The following TOP6BL variants were observed in gnomAD, a reference collection of about 807,000 sequenced individuals.
TOP6BL encodes type 2 DNA topoisomerase 6 subunit B-like.
chr11:66,779,820 C>G, the TOP6BL span, among the ~76,000 whole-genome samples: 1 of 152,082 alleles, frequency 6.6e-6, no homozygotes, highest in Admixed American at 6.6e-5. Context: ...CCATGGAATA[C>G]TATGCAGCCA....
At chr11:66,843,406 C>G in the TOP6BL span, 8 of 1,426,262 alleles carry the variant, frequency 5.6e-6, no homozygotes, top group African/African-American at 1.0e-4. Context: ...TGACGTCACC[C>G]ACACCTCCCT....
chr11:66,807,031 G>A, the TOP6BL span, among the ~76,000 whole-genome samples: 1 of 151,978 alleles, frequency 6.6e-6, no homozygotes, highest in Non-Finnish European at 1.5e-5. Context: ...GTCCTCTTGG[G>A]GAAAATTTAA....
At chr11:66,762,466 T>A in the TOP6BL span, 1 of 275,340 alleles carries the variant, frequency 3.6e-6, no homozygotes, top group Non-Finnish European at 6.8e-6. Flanking sequence ...CAGAGTACCC[T>A]TTTTTGTTTG....
At chr11:66,787,731 A>T in the TOP6BL span, among the ~76,000 whole-genome samples, 1 of 151,938 alleles carries the variant, frequency 6.6e-6, no homozygotes, top group Non-Finnish European at 1.5e-5. Context: ...AAAAAAAAAA[A>T]AAAGGTACAT....
At chr11:66,833,072 G>A in the TOP6BL span, among the ~76,000 whole-genome samples, 1 of 108,958 alleles carries the variant, frequency 9.2e-6, no homozygotes, top group African/African-American at 3.7e-5. Context: ...TTTTGACACC[G>A]AGTCTTGCTC....
the TOP6BL span, among the ~76,000 whole-genome samples, chr11:66,778,538 G>A: frequency 6.6e-6 from 1 of 152,040 alleles, no homozygotes; most frequent in African/African-American, 2.4e-5. Flanking sequence ...GTAAAGTCAG[G>A]GGACTGGCAC....
At chr11:66,814,704 G>A in the TOP6BL span, among the ~76,000 whole-genome samples, 1 of 152,232 alleles carries the variant, frequency 6.6e-6, no homozygotes, top group Non-Finnish European at 1.5e-5. Context: ...GTGAGTAAGG[G>A]AGCAATGATA....
chr11:66,777,949 A>C, the TOP6BL span, among the ~76,000 whole-genome samples: 1 of 152,318 alleles, frequency 6.6e-6, no homozygotes, highest in African/African-American at 2.4e-5. Flanking sequence ...CAGCATTGGG[A>C]ATTTCAATTA....
At chr11:66,827,225 T>C in the TOP6BL span, among the ~76,000 whole-genome samples, 2 of 148,352 alleles carry the variant, frequency 1.3e-5, no homozygotes, top group Non-Finnish European at 3.0e-5. Context: ...TAATTTTGTA[T>C]TTTCAGTAGA....
the TOP6BL span, among the ~76,000 whole-genome samples, chr11:66,794,107 G>C: frequency 1.0e-5 from 1 of 100,434 alleles, no homozygotes; most frequent in South Asian, 2.9e-4. Context: ...GCGAGACCCT[G>C]TTTCTAAAAA....
the TOP6BL span, among the ~76,000 whole-genome samples, chr11:66,767,976 G>A: frequency 9.2e-5 from 14 of 152,012 alleles, no homozygotes; most frequent in Non-Finnish European, 1.8e-4. Flanking sequence ...ATTTTTTGTA[G>A]AGATGAGATC....
At chr11:66,839,417 G>C in the TOP6BL span, among the ~76,000 whole-genome samples, 2 of 152,232 alleles carry the variant, frequency 1.3e-5, no homozygotes, top group African/African-American at 4.8e-5. Flanking sequence ...TGGAAGAGCC[G>C]AATTAGCAGG....
chr11:66,817,922 A>G, the TOP6BL span, among the ~76,000 whole-genome samples: 11 of 152,310 alleles, frequency 7.2e-5, no homozygotes, highest in South Asian at 4.1e-4. Flanking sequence ...TTTTAATCCA[A>G]TAAACCCTGG....
At chr11:66,788,712 A>G in the TOP6BL span, among the ~76,000 whole-genome samples, 24 of 152,200 alleles carry the variant, frequency 1.6e-4, no homozygotes, top group African/African-American at 5.8e-4. Context: ...ATGAAAAGAA[A>G]GAGATCTCTA....
the TOP6BL span, among the ~76,000 whole-genome samples, chr11:66,745,364 C>CTT: frequency 2.6e-5 from 4 of 151,660 alleles, no homozygotes; most frequent in Admixed American, 6.6e-5. Context: ...CCAGTGCAGA[C>CTT]TGGGAGCGAG....
chr11:66,759,031 T>A, the TOP6BL span: 1 of 1,542,930 alleles, frequency 6.5e-7, no homozygotes, highest in Non-Finnish European at 8.8e-7. Flanking sequence ...CTTTGTATTC[T>A]GTTTCTTACA....
chr11:66,773,327 T>G, the TOP6BL span, among the ~76,000 whole-genome samples: 149 of 152,078 alleles, frequency 9.8e-4, no homozygotes, highest in Non-Finnish European at 1.5e-3. Flanking sequence ...GTGCTGGGAT[T>G]ATAGGCACGT....
At chr11:66,784,226 A>G in the TOP6BL span, among the ~76,000 whole-genome samples, 6 of 151,876 alleles carry the variant, frequency 4.0e-5, no homozygotes, top group Non-Finnish European at 7.4e-5. Context: ...GTAGAGACAG[A>G]GTTTCACTGT....
the TOP6BL span, chr11:66,748,346 G>A: frequency 6.8e-7 from 1 of 1,477,560 alleles, no homozygotes; most frequent in Non-Finnish European, 9.2e-7. Context: ...TTCTAAAGAA[G>A]ATTATGTTTT....
Sources: allele counts gnomAD v4.1 joint callset (sites outside exome capture counted in the v4.1 genomes callset), GRCh38; gene constraint gnomAD v4.1.1; transcripts MANE v1.5; gene names NCBI Gene and HGNC (gene_info 2026-07-23, HGNC 2026-07-21).